FIGN: variants seen among roughly 807,000 people sequenced by gnomAD.
FIGN encodes the protein fidgetin, microtubule severing factor.
In FIGN, 11 loss-of-function variants were observed where a neutral mutation model predicts 51.3. The ratio of observed to expected loss-of-function variants is 0.21; its 90% confidence interval spans 0.13 to 0.35. The LOEUF (loss-of-function observed/expected upper bound fraction) is 0.35. Ranked by LOEUF, FIGN falls within the 10% of genes least tolerant of loss-of-function variation. The probability of loss-of-function intolerance (pLI) is 1.00; values close to 1 mark genes in which losing one functional copy is unlikely to be tolerated. For missense variants in FIGN, 857 were observed against 943.6 expected, an observed-to-expected ratio of 0.91 and a Z score of 1.20; for synonymous variants, 407 against 363.2, an observed-to-expected ratio of 1.12 and a Z score of -1.37.
chr2:163,643,273 G>A lies in FIGN; in HGVS notation c.26-31467C>T, dbSNP rs150999753. On this transcript the variant is annotated intron_variant, in intron 2 of 2. Transcript: ENST00000333129. ...CTACCAGAACATGAAGACTTCAATC[G>A]AGCAAAAACAGTCTTTTCAACAAAT... Among the ~76,000 whole-genome samples, 911 of 152,214 alleles carry A rather than the reference G, an allele frequency of 6.0e-3. 11 individuals carry two copies. Among genetic ancestry groups the A allele is most frequent in the African/African-American group, 0.017 (723 of 41,518 alleles).
rs777157289 is a variant in FIGN at position 163,612,525 on chromosome 2, T to A, written c.26-719A>T. 6.1e-6 allele frequency: 6 copies of A among 985,118 alleles called. No individual in the cohort carries two copies. In the South Asian group the frequency reaches 1.9e-4, roughly 31 times the overall value. The allele number at this position is 985,118 out of a possible 1,614,324, so 61.0% of individuals were successfully genotyped here. On this transcript the variant is annotated intron_variant, in intron 2 of 2. Coordinates refer to ENST00000333129, the MANE Select transcript of FIGN (RefSeq NM_018086.4). The stretch of plus-strand genomic sequence containing the variant: ...TCCATCGCTTTCATCGCACAAAGCC[T>A]ACAACTCGGTATGAATTACAACTGG...
chr2:163,648,858 G>A (rs1683425243), intron 2 of FIGN, among the ~76,000 whole-genome samples: 1 of 152,108 alleles, frequency 6.6e-6, no homozygotes, highest in Non-Finnish European at 1.5e-5. Flanking sequence ...TTATGAAGAG[G>A]ATGTAAGAAG....
At position 163,660,879 on chromosome 2, in the gene FIGN, ATTTTT is replaced by A. The variant is rs71015599; in HGVS notation, c.26-49078_26-49074del. On this transcript the variant is annotated intron_variant, in intron 2 of 2. Coordinates refer to ENST00000333129, the MANE Select transcript of FIGN (RefSeq NM_018086.4). ...TATACATATATATATATATATATATATTTTTTTTTTTTTTTTTTTTTTTTTTGAGA... is the reference window on the plus strand; with the variant it reads ...TATACATATATATATATATATATATATTTTTTTTTTTTTTTTTTTTTGAGA... 7.9e-3 allele frequency among the ~76,000 whole-genome samples: 53 copies of A among 6,670 alleles called. 16 individuals carry two copies. Among genetic ancestry groups the A allele is most frequent in the East Asian group, 0.022 (3 of 134 alleles). 4.4% of individuals were successfully genotyped at this position (6,670 alleles called of 152,430 possible).
At chr2:163,729,794 C>T (rs1433291362) in intron 2 of FIGN, among the ~76,000 whole-genome samples, 2 of 152,134 alleles carry the variant, frequency 1.3e-5, no homozygotes, top group Admixed American at 6.5e-5. Flanking sequence ...ATATATTTAA[C>T]ATAAATACAT....
At chr2:163,676,441 AT>A (rs1683966974) in intron 2 of FIGN, among the ~76,000 whole-genome samples, 1 of 35,096 alleles carries the variant, frequency 2.8e-5, no homozygotes, top group African/African-American at 1.6e-4. Context: ...TGGAATATAT[AT>A]ATATATATAT....
intron 2 of FIGN, among the ~76,000 whole-genome samples, chr2:163,712,654 T>A (rs1335442170): frequency 6.6e-6 from 1 of 152,196 alleles, no homozygotes; most frequent in Non-Finnish European, 1.5e-5. Flanking sequence ...GTGAGGTTTT[T>A]TTTAAGGCAA....
chr2:163,629,952 C>CTTTTTT (rs71297448), intron 2 of FIGN, among the ~76,000 whole-genome samples: 3 of 56,926 alleles, frequency 5.3e-5, no homozygotes, highest in African/African-American at 7.5e-5. Flanking sequence ...GAAAGGGGCA[C>CTTTTTT]TTTTTTTTTT....
chr2:163,671,995 A>C (rs1386801057), intron 2 of FIGN, among the ~76,000 whole-genome samples: 1 of 152,212 alleles, frequency 6.6e-6, no homozygotes, highest in Admixed American at 6.5e-5. Context: ...CAATATGGCA[A>C]GGCTCTAGAA....
chr2:163,637,254 T>C (rs1202765817), intron 2 of FIGN, among the ~76,000 whole-genome samples: 1 of 152,192 alleles, frequency 6.6e-6, no homozygotes, highest in Non-Finnish European at 1.5e-5. Flanking sequence ...TAAAACATAC[T>C]TGGGTTCTCT....
At chr2:163,629,124 G>C (rs1573913550) in intron 2 of FIGN, among the ~76,000 whole-genome samples, 1 of 152,164 alleles carries the variant, frequency 6.6e-6, no homozygotes, top group Non-Finnish European at 1.5e-5. Context: ...TAGAGAGAAA[G>C]TGTGTAGAAT....
intron 2 of FIGN, among the ~76,000 whole-genome samples, chr2:163,678,215 C>CT (rs758971826): frequency 5.6e-4 from 84 of 151,350 alleles, no homozygotes; most frequent in Middle Eastern, 3.4e-3. Flanking sequence ...GTTGACATGT[C>CT]TTTTTTTTTC....
chr2:163,663,549 G>A (rs1193679695), intron 2 of FIGN, among the ~76,000 whole-genome samples: 1 of 151,510 alleles, frequency 6.6e-6, no homozygotes, highest in Non-Finnish European at 1.5e-5. Context: ...AGTCAGGCTG[G>A]TCTCAAACTC....
chr2:163,656,156 A>T (rs1683556187), intron 2 of FIGN, among the ~76,000 whole-genome samples: 1 of 152,212 alleles, frequency 6.6e-6, no homozygotes, highest in Non-Finnish European at 1.5e-5. Flanking sequence ...TAAGATCATT[A>T]CTTAGCTAAT....
intron 2 of FIGN, among the ~76,000 whole-genome samples, chr2:163,652,489 A>AAG: frequency 6.6e-6 from 1 of 151,812 alleles, no homozygotes. Flanking sequence ...ACCAAAAAAA[A>AAG]CTAGATAAAC....
chr2:163,717,311 A>G (rs1684682926), intron 2 of FIGN, among the ~76,000 whole-genome samples: 1 of 152,200 alleles, frequency 6.6e-6, no homozygotes, highest in African/African-American at 2.4e-5. Flanking sequence ...GAAAGAGAGC[A>G]ATTTTTGCAC....
At chr2:163,659,571 C>G (rs1683618309) in intron 2 of FIGN, among the ~76,000 whole-genome samples, 1 of 152,118 alleles carries the variant, frequency 6.6e-6, no homozygotes, top group Admixed American at 6.5e-5. Context: ...AATGAAACAC[C>G]ATTTTGGGGG....
chr2:163,619,226 A>G (rs1198365046), intron 2 of FIGN, among the ~76,000 whole-genome samples: 1 of 152,206 alleles, frequency 6.6e-6, no homozygotes, highest in Non-Finnish European at 1.5e-5. Context: ...TTAGTTGAAT[A>G]CACGAGCATT....
At chr2:163,681,302 T>C (rs1684057892) in intron 2 of FIGN, among the ~76,000 whole-genome samples, 1 of 152,210 alleles carries the variant, frequency 6.6e-6, no homozygotes, top group African/African-American at 2.4e-5. Context: ...TAGGCTGGAA[T>C]GGTCCTTGGA....
At chr2:163,623,554 AAATAG>A (rs1216207702) in intron 2 of FIGN, among the ~76,000 whole-genome samples, 1 of 152,168 alleles carries the variant, frequency 6.6e-6, no homozygotes, top group Non-Finnish European at 1.5e-5. Flanking sequence ...TCTCCTTTTA[AAATAG>A]AATAGACAAT....
Sources: gnomAD v4.1 joint callset for allele counts (sites outside exome capture counted in the v4.1 genomes callset) on GRCh38, gnomAD v4.1.1 for gene constraint, MANE v1.5 for transcripts, NCBI Gene and HGNC (gene_info 2026-07-23, HGNC 2026-07-21) for gene names.